Variants in NPC1 observed in about 807,000 individuals in gnomAD.
The protein encoded by NPC1 is Niemann-Pick C1 protein.
NPC1 carries 85 observed loss-of-function variants against 140.4 expected under a neutral mutation model. The ratio of observed to expected loss-of-function variants is 0.61; its 90% CI spans 0.51 to 0.72. The LOEUF (loss-of-function observed/expected upper bound fraction) is 0.72, where lower values mean the gene tolerates loss of function less well. NPC1 is among the 30% of genes least tolerant of loss of function. NPC1 has a pLI of 0.00. For synonymous variants in NPC1, 656 were observed against 624.8 expected, an observed-to-expected ratio of 1.05 and a Z score of -0.74; for missense variants, 1,504 against 1,623.8, an observed-to-expected ratio of 0.93 and a Z score of 1.27.
chr18:23,528,478 T>C (rs979423763), downstream of NPC1: 10 of 153,600 alleles, frequency 6.5e-5, no homozygotes, highest in African/African-American at 2.2e-4. Context: ...ATTATTTCAA[T>C]TCCAGGATCT....
intron 10 of NPC1, 53 bp downstream of exon 10, chr18:23,551,574 C>CA: frequency 7.3e-7 from 1 of 1,370,640 alleles, no homozygotes; most frequent in Non-Finnish European, 1.0e-6. Context: ...ATGCTAATGA[C>CA]AAAACCGAGA....
chr18:23,514,070 T>G (rs2145175137), intron 3 of NPC1, among the ~76,000 whole-genome samples: 1 of 152,314 alleles, frequency 6.6e-6, no homozygotes, highest in Admixed American at 6.5e-5. Context: ...CTGAGATCTC[T>G]AAGGGGAACT....
rs1347246685 is a variant in NPC1 at position 23,563,986 on chromosome 18, A to T, written c.464-2459T>A. Among the ~76,000 whole-genome samples, 13 of 56,666 alleles carry T rather than the reference A, an allele frequency of 2.3e-4. 1 individual carries two copies. The East Asian group carries it at 0.012, about 52-fold the overall frequency. The allele number at this position is 56,666 out of a possible 152,430, so 37.2% of individuals were successfully genotyped here. A position where few individuals can be genotyped will look rare whatever the true frequency, so the allele number is the denominator to read the frequency against. On this transcript the variant is annotated intron_variant, in intron 4 of 24. Transcript: ENST00000269228. Reference sequence around the variant, plus strand: ...TATTTATTTATCATTGAGTAGTAAGAGTTTTTTTTTTTTTTTTTTGGAGAT... The same window carrying T: ...TATTTATTTATCATTGAGTAGTAAGTGTTTTTTTTTTTTTTTTTTGGAGAT...
At chr18:23,579,866 C>CAG (rs1389919451) in intron 1 of NPC1, among the ~76,000 whole-genome samples, 1 of 139,986 alleles carries the variant, frequency 7.1e-6, no homozygotes, top group African/African-American at 2.8e-5. Context: ...GCCTGGGTAA[C>CAG]AGAGAGAGAC....
intron 1 of NPC1, among the ~76,000 whole-genome samples, chr18:23,523,540 T>G (rs2058200203): frequency 2.9e-5 from 1 of 34,044 alleles, no homozygotes; most frequent in Admixed American, 4.9e-4. Flanking sequence ...GACCTTGTCT[T>G]CACAAAAAAA....
At position 23,538,200 on chromosome 18, in the gene NPC1, C is replaced by T. The variant is rs36016411; in HGVS notation, c.3041+342G>A. On this transcript the variant is annotated intron_variant, in intron 20 of 24. Coordinates refer to ENST00000269228, the MANE Select transcript of NPC1 (RefSeq NM_000271.5). The stretch of plus-strand genomic sequence containing the variant: ...CCCAGCTGCCATCAGTACAAGTGAA[C>T]AGGCCAAGTTCCTTCAGGCCTGGAT... 2.3e-3 allele frequency among the ~76,000 whole-genome samples: 343 copies of T among 152,308 alleles called. 1 individual carries two copies. The highest frequency in any genetic ancestry group is 4.1e-3 in the Non-Finnish European group (278 of 68,026).
chr18:23,543,590 A>C, intron 13 of NPC1, 21 bp from the exon 14 acceptor site: 1 of 1,093,386 alleles, frequency 9.1e-7, no homozygotes. Context: ...AAAAAAAAAA[A>C]TTATGCGACA....
chr18:23,516,027 C>CT, intron 3 of NPC1: 1 of 1,613,882 alleles, frequency 6.2e-7, no homozygotes, highest in Non-Finnish European at 8.5e-7. Context: ...AAAAAAACAC[C>CT]TTTCCCCAGT....
chr18:23,521,516 T>G (rs2058140198), downstream of NPC1, among the ~76,000 whole-genome samples: 2 of 152,198 alleles, frequency 1.3e-5, no homozygotes, highest in South Asian at 4.1e-4. Context: ...GCTGTGGCTC[T>G]TAGGCTTACC....
At chr18:23,525,408 C>A (rs563258140), downstream of NPC1, among the ~76,000 whole-genome samples, 95 of 152,080 alleles carry the variant, frequency 6.2e-4, no homozygotes, top group Non-Finnish European at 1.1e-3. Context: ...TCACCACGCC[C>A]AGTTAATTTA....
intron 7 of NPC1, 127 bp downstream of exon 7, chr18:23,556,990 G>T: frequency 3.7e-6 from 3 of 802,598 alleles, no homozygotes; most frequent in South Asian, 1.4e-5. Flanking sequence ...TGTCTGCCTT[G>T]GTCGCAGCCG....
At position 23,541,048 on chromosome 18, in the gene NPC1, A is replaced by T. The variant is rs1462100316; in HGVS notation, c.2514+20T>A. ...CTGTTTCAGTGAGAGGAAAGAGAAA[A>T]ACCACAGATAAGCGCATACCACAAT... On this transcript the variant is annotated intron_variant, in intron 16 of 24. Transcript: ENST00000269228. The T allele has an allele frequency of 6.2e-7, 1 of 1,613,834 alleles. No homozygotes were observed. Among genetic ancestry groups the T allele is most frequent in the African/African-American group, 1.3e-5 (1 of 74,904 alleles).
intron 1 of NPC1, among the ~76,000 whole-genome samples, chr18:23,584,164 C>A (rs913428548): frequency 5.3e-5 from 8 of 152,152 alleles, no homozygotes; most frequent in Non-Finnish European, 8.8e-5. Context: ...ACATATTGAA[C>A]ATTAAGAAAA....
At chr18:23,525,073 A>G (rs1443565541), downstream of NPC1, among the ~76,000 whole-genome samples, 7 of 148,110 alleles carry the variant, frequency 4.7e-5, no homozygotes, top group Admixed American at 4.9e-4. Context: ...CAGCCTCCTG[A>G]ATAGCTGGGA....
chr18:23,559,618 T>A (rs111438428), intron 6 of NPC1, among the ~76,000 whole-genome samples: 11 of 149,996 alleles, frequency 7.3e-5, no homozygotes, highest in African/African-American at 2.7e-4. Flanking sequence ...ATTACAGGTG[T>A]GAGCCACTGA....
chr18:23,517,032 A>T (rs1390885397), intron 3 of NPC1, among the ~76,000 whole-genome samples: 1 of 151,818 alleles, frequency 6.6e-6, no homozygotes, highest in Non-Finnish European at 1.5e-5. Context: ...GGCCAAGTTT[A>T]TTTTTTTTAA....
downstream of NPC1, chr18:23,526,800 G>A (rs1196856793): frequency 1.2e-6 from 2 of 1,609,422 alleles, no homozygotes; most frequent in Non-Finnish European, 1.7e-6. Flanking sequence ...TCTGATTCCA[G>A]TGTGAGGCCT....
intron 1 of NPC1, among the ~76,000 whole-genome samples, chr18:23,583,106 CAAAAAAAAA>C (rs3083464): frequency 1.8e-5 from 2 of 110,010 alleles, no homozygotes; most frequent in Non-Finnish European, 3.5e-5. Flanking sequence ...GACCCTGTTT[CAAAAAAAAA>C]AAAAAAAAAA....
intron 3 of NPC1, among the ~76,000 whole-genome samples, chr18:23,508,248 G>A (rs2057762340): frequency 6.6e-6 from 1 of 152,148 alleles, no homozygotes; most frequent in Admixed American, 6.5e-5. Context: ...CTTTGGAGGG[G>A]GAGGGTTCAA....
Sources: gnomAD v4.1 joint callset for allele counts (sites outside exome capture counted in the v4.1 genomes callset) on GRCh38, gnomAD v4.1.1 for gene constraint, MANE v1.5 for transcripts, NCBI Gene and HGNC (gene_info 2026-07-23, HGNC 2026-07-21) for gene names.